The following ZNF334 variants were observed in gnomAD, a reference collection of about 807,000 sequenced individuals.
ZNF334 encodes the protein zinc finger protein 334.
Under a neutral mutation model 12.4 loss-of-function variants are expected in ZNF334, and 14 were observed. The observed-to-expected ratio is 1.13, with a 90% CI of 0.74 to 1.76. The LOEUF (loss-of-function observed/expected upper bound fraction) is 1.76, where lower values mean the gene tolerates loss of function less well. Ranked by LOEUF, ZNF334 falls within the 40% of genes most tolerant of loss-of-function variation. The pLI is 0.00. For synonymous variants in ZNF334, 273 were observed against 269.6 expected, an observed-to-expected ratio of 1.01 and a Z score of -0.12; for missense variants, 797 against 804.5, an observed-to-expected ratio of 0.99 and a Z score of 0.11.
At chr20:46,478,593 T>C in the ZNF334 span, among the ~76,000 whole-genome samples, 4 of 152,222 alleles carry the variant, frequency 2.6e-5, no homozygotes, top group Non-Finnish European at 4.4e-5. Flanking sequence ...GAGGGTATAA[T>C]GAGGCATGTC....
In ZNF334 at chr20:46,502,898, T is replaced by C. The variant is rs2061292581; in HGVS notation, c.441A>G (p.Ser147=). The change falls in exon 5 of 5, where the codon TCA becomes TCG. Residue 147 remains serine (S), a synonymous_variant. Transcript: ENST00000692313. ...NPGGNSLKTN[S]EVIVAKKSKE... ...TGCTTTTCTTTGCAACAATTACTTCTGAATTAGTTTTCAAACTGTTTCCTC... is the reference window on the plus strand; with the variant it reads ...TGCTTTTCTTTGCAACAATTACTTCCGAATTAGTTTTCAAACTGTTTCCTC... 6.2e-7 allele frequency: 1 copy of C among 1,613,796 alleles called. No individual in the cohort carries two copies. Among genetic ancestry groups the C allele is most frequent in the South Asian group, 1.1e-5 (1 of 91,022 alleles).
the ZNF334 span, among the ~76,000 whole-genome samples, chr20:46,478,111 T>C: frequency 6.6e-6 from 1 of 152,232 alleles, no homozygotes; most frequent in Admixed American, 6.5e-5. Context: ...CTCAGAATTA[T>C]AGTTGTCAAT....
At chr20:46,466,239 T>G in the ZNF334 span, among the ~76,000 whole-genome samples, 1 of 152,106 alleles carries the variant, frequency 6.6e-6, no homozygotes, top group Admixed American at 6.5e-5. Flanking sequence ...CTAAACAAAT[T>G]TAAAATCTTG....
the ZNF334 span, chr20:46,464,887 G>T: frequency 1.9e-6 from 1 of 529,558 alleles, no homozygotes. Flanking sequence ...GTCCAACTAT[G>T]AATGAGAGAC....
At chr20:46,504,860 G>C in intron 2 of ZNF334, 120 bp from the exon 3 acceptor site, 1 of 831,444 alleles carries the variant, frequency 1.2e-6, no homozygotes, top group African/African-American at 1.8e-5. Flanking sequence ...ATGTAATTGT[G>C]GGAGGGCAGA....
chr20:46,509,025 T>C (rs924101286), intron 2 of ZNF334, among the ~76,000 whole-genome samples: 1 of 152,228 alleles, frequency 6.6e-6, no homozygotes, highest in Non-Finnish European at 1.5e-5. Flanking sequence ...ATTTGAATCA[T>C]GACACATCAG....
At chr20:46,478,072 C>G in the ZNF334 span, among the ~76,000 whole-genome samples, 2 of 152,192 alleles carry the variant, frequency 1.3e-5, no homozygotes, top group Admixed American at 1.3e-4. Flanking sequence ...TCCTCTCAAG[C>G]ACTCTCTCTC....
chr20:46,501,426 C>CG lies in ZNF334; in HGVS notation c.1912dup (p.Arg638ProfsTer8). The CG allele has an allele frequency of 6.2e-7, 1 of 1,614,050 alleles. No individual in the cohort carries two copies. The highest frequency in any genetic ancestry group is 8.5e-7 in the Non-Finnish European group (1 of 1,180,004). On this transcript the variant is annotated frameshift_variant, in exon 5 of 5. Transcript: ENST00000692313. LOFTEE classifies it low-confidence loss of function (END_TRUNC). Reference sequence around the variant, plus strand: ...ATGTTCAGTGAGAGTCCACAGGCGACGGTAGGTTTTCCCACATTGATTACA... The same window carrying CG: ...ATGTTCAGTGAGAGTCCACAGGCGACGGGTAGGTTTTCCCACATTGATTACA...
At chr20:46,484,551 G>A in the ZNF334 span, 1 of 167,464 alleles carries the variant, frequency 6.0e-6, no homozygotes, top group East Asian at 1.9e-4. Context: ...GTATAAAGAT[G>A]TGATGCTGGA....
chr20:46,511,573 T>C (rs2061651999), intron 2 of ZNF334, among the ~76,000 whole-genome samples: 1 of 152,242 alleles, frequency 6.6e-6, no homozygotes, highest in African/African-American at 2.4e-5. Context: ...AATAAAGTTA[T>C]GGGGCATTAT....
chr20:46,502,677 C>T lies in ZNF334; in HGVS notation c.662G>A (p.Arg221Lys), dbSNP rs2061270963. Residue 221 changes from arginine to lysine, a missense_variant, in exon 5 of 5, where the codon AGG becomes AAG. Arg to Lys is a conservative substitution (Grantham distance 26). Coordinates refer to ENST00000692313, the MANE Select transcript of ZNF334 (RefSeq NM_001353824.2). Reference sequence around the variant, plus strand: ...CCCCTTTTGTGTAATGAGAATTGCCCTCTTGAAGAAGGTTTTCCCACATTT... The same window carrying T: ...CCCCTTTTGTGTAATGAGAATTGCCTTCTTGAAGAAGGTTTTCCCACATTT... ...YNKCGKTFFK[R>K]AILITQKGRQ... 4 of 1,612,486 alleles carry T rather than the reference C, an allele frequency of 2.5e-6. No homozygotes were observed. The highest frequency in any genetic ancestry group is 1.3e-5 in the African/African-American group (1 of 74,840).
At chr20:46,466,110 A>G in the ZNF334 span, among the ~76,000 whole-genome samples, 11 of 152,320 alleles carry the variant, frequency 7.2e-5, no homozygotes, top group Admixed American at 7.2e-4. Context: ...AACATTTTTA[A>G]CAGTAAACCA....
the ZNF334 span, among the ~76,000 whole-genome samples, chr20:46,482,705 T>C: frequency 6.6e-6 from 1 of 152,134 alleles, no homozygotes; most frequent in East Asian, 1.9e-4. Flanking sequence ...TAAAGTAACA[T>C]CTCCACTTTC....
chr20:46,479,350 G>GC, the ZNF334 span, among the ~76,000 whole-genome samples: 1 of 151,982 alleles, frequency 6.6e-6, no homozygotes, highest in Non-Finnish European at 1.5e-5. Context: ...AAAATCCCAG[G>GC]CCCCCCAACA....
chr20:46,488,419 T>TATATATATATATATATATATATA, the ZNF334 span, among the ~76,000 whole-genome samples: 1 of 102,234 alleles, frequency 9.8e-6, no homozygotes, highest in Non-Finnish European at 2.0e-5. Context: ...AGCTCTTATT[T>TATATATATATATATATATATATA]TATATATATA....
chr20:46,493,340 T>C, the ZNF334 span, among the ~76,000 whole-genome samples: 3 of 152,204 alleles, frequency 2.0e-5, no homozygotes, highest in Non-Finnish European at 4.4e-5. Context: ...CCATCTCTTC[T>C]GGGTGAATTA....
At position 46,503,094 on chromosome 20, in the gene ZNF334, ATGTCT is replaced by A; in HGVS notation, c.242-2_244del. 1 of 1,587,158 alleles carries A rather than the reference ATGTCT, an allele frequency of 6.3e-7. No homozygotes were observed. Among genetic ancestry groups the A allele is most frequent in the Admixed American group, 1.8e-5 (1 of 54,890 alleles). On this transcript the variant is annotated splice_acceptor_variant and coding_sequence_variant, in exon 5 of 5. Coordinates refer to ENST00000692313, the MANE Select transcript of ZNF334 (RefSeq NM_001353824.2). LOFTEE classifies it high-confidence loss of function. ...CTTGTTCTTCTCTAAGGCATCATCA[ATGTCT>A]AGAAAAAGGAACACAATTAACGGTA... is the stretch of plus-strand genomic sequence containing the variant.
At chr20:46,491,622 G>GC in the ZNF334 span, 5 of 152,444 alleles carry the variant, frequency 3.3e-5, no homozygotes, top group African/African-American at 1.2e-4. Flanking sequence ...GATCTTGCTC[G>GC]CCACCAACAA....
the ZNF334 span, chr20:46,491,033 G>A: frequency 6.6e-6 from 1 of 152,604 alleles, no homozygotes; most frequent in Non-Finnish European, 1.5e-5. Context: ...CCACGAATAT[G>A]GTGAAAATAC....
Sources: allele counts gnomAD v4.1 joint callset (sites outside exome capture counted in the v4.1 genomes callset), GRCh38; gene constraint gnomAD v4.1.1; transcripts MANE v1.5; gene names NCBI Gene and HGNC (gene_info 2026-07-23, HGNC 2026-07-21).